Variants in LRRC4C observed in about 807,000 individuals in gnomAD.
LRRC4C encodes the protein leucine-rich repeat-containing protein 4C.
A neutral mutation model predicts 33.6 loss-of-function variants in LRRC4C; 5 were observed. That is an observed-to-expected ratio of 0.15 (90% CI 0.08 to 0.31). LRRC4C has a LOEUF of 0.31. Ranked by LOEUF, LRRC4C falls within the 10% of genes least tolerant of loss-of-function variation. The pLI, the probability that LRRC4C is intolerant of heterozygous loss-of-function variation, is 1.00. For synonymous variants in LRRC4C, 329 were observed against 302.0 expected, an observed-to-expected ratio of 1.09 and a Z score of -0.93; for missense variants, 560 against 796.7, an observed-to-expected ratio of 0.70 and a Z score of 3.58.
intron 1 of LRRC4C, among the ~76,000 whole-genome samples, chr11:41,191,378 G>T (rs1258914072): frequency 6.6e-6 from 1 of 152,048 alleles, no homozygotes; most frequent in Non-Finnish European, 1.5e-5. Context: ...AATTATAGAA[G>T]AATTATTTGC....
intron 5 of LRRC4C, among the ~76,000 whole-genome samples, chr11:40,175,300 A>T (rs1829147019): frequency 6.6e-6 from 1 of 152,238 alleles, no homozygotes; most frequent in South Asian, 2.1e-4. Context: ...AATTTGTAGC[A>T]AAACTGGTAA....
At chr11:41,085,042 T>C (rs1006025737) in intron 1 of LRRC4C, among the ~76,000 whole-genome samples, 2 of 152,182 alleles carry the variant, frequency 1.3e-5, no homozygotes, top group Non-Finnish European at 2.9e-5. Context: ...TCGACACAGA[T>C]ATCTTATTTG....
intron 3 of LRRC4C, among the ~76,000 whole-genome samples, chr11:40,591,093 A>G (rs1344796703): frequency 3.9e-5 from 6 of 152,082 alleles, no homozygotes; most frequent in Non-Finnish European, 5.9e-5. Flanking sequence ...GCCGCCTTGC[A>G]GTTTGATCTC....
At chr11:40,541,343 G>A (rs1956699884) in intron 3 of LRRC4C, among the ~76,000 whole-genome samples, 1 of 152,024 alleles carries the variant, frequency 6.6e-6, no homozygotes, top group African/African-American at 2.4e-5. Flanking sequence ...TTGGCTTCAA[G>A]GGATCTTCTC....
chr11:40,221,838 C>T (rs1380353579), intron 5 of LRRC4C, among the ~76,000 whole-genome samples: 2 of 152,078 alleles, frequency 1.3e-5, no homozygotes, highest in African/African-American at 2.4e-5. Flanking sequence ...CAATCGATCA[C>T]GACCCTCTCA....
intron 1 of LRRC4C, among the ~76,000 whole-genome samples, chr11:40,937,662 C>G (rs1592137896): frequency 7.0e-6 from 1 of 142,750 alleles, no homozygotes; most frequent in African/African-American, 2.7e-5. Flanking sequence ...TTGTTGTTGT[C>G]TTTTTTGAGA....
chr11:40,154,864 A>C (rs1858548853), intron 5 of LRRC4C, among the ~76,000 whole-genome samples: 1 of 152,172 alleles, frequency 6.6e-6, no homozygotes, highest in Non-Finnish European at 1.5e-5. Context: ...ACTTAAACGA[A>C]TATACAGAAT....
chr11:40,274,466 C>CACACACAG (rs1432673518), intron 4 of LRRC4C, among the ~76,000 whole-genome samples: 1 of 148,746 alleles, frequency 6.7e-6, no homozygotes, highest in African/African-American at 2.5e-5. Context: ...CACACACACA[C>CACACACAG]AGAAACCACA....
intron 1 of LRRC4C, among the ~76,000 whole-genome samples, chr11:41,235,279 C>T (rs1947970361): frequency 6.6e-6 from 1 of 151,980 alleles, no homozygotes; most frequent in Admixed American, 6.6e-5. Flanking sequence ...AAAAATGCAA[C>T]CATTTGAGAT....
intron 1 of LRRC4C, among the ~76,000 whole-genome samples, chr11:41,068,062 C>T (rs1222097536): frequency 6.6e-6 from 1 of 152,014 alleles, no homozygotes; most frequent in Non-Finnish European, 1.5e-5. Context: ...AAGATCAGAA[C>T]AGAACTGAAG....
At chr11:41,267,772 T>C (rs1283879666) in intron 1 of LRRC4C, among the ~76,000 whole-genome samples, 1 of 152,094 alleles carries the variant, frequency 6.6e-6, no homozygotes, top group East Asian at 1.9e-4. Flanking sequence ...TAAATCTCAA[T>C]TGCTTTAGAA....
At chr11:41,078,294 T>C (rs1360402522) in intron 1 of LRRC4C, among the ~76,000 whole-genome samples, 1 of 152,202 alleles carries the variant, frequency 6.6e-6, no homozygotes, top group Non-Finnish European at 1.5e-5. Flanking sequence ...TTCTGCCCAT[T>C]ACCCAGTTCC....
intron 3 of LRRC4C, among the ~76,000 whole-genome samples, chr11:40,453,039 G>C (rs1590787007): frequency 1.3e-5 from 2 of 150,216 alleles, no homozygotes; most frequent in East Asian, 2.0e-4. Flanking sequence ...TGTGGGGTTG[G>C]GGGAGGGGGG....
chr11:41,401,088 T>A (rs1388096965), intron 1 of LRRC4C, among the ~76,000 whole-genome samples: 2 of 151,884 alleles, frequency 1.3e-5, no homozygotes, highest in African/African-American at 4.8e-5. Context: ...ATGTTGAAGA[T>A]ATGTTTTAGA....
intron 2 of LRRC4C, among the ~76,000 whole-genome samples, chr11:40,696,149 C>T (rs547611881): frequency 2.0e-4 from 30 of 146,526 alleles, no homozygotes; most frequent in African/African-American, 7.3e-4. Flanking sequence ...GCCTATGCAA[C>T]AAGCAATCTA....
At chr11:40,450,626 G>T (rs2138070906) in intron 3 of LRRC4C, among the ~76,000 whole-genome samples, 2 of 152,056 alleles carry the variant, frequency 1.3e-5, no homozygotes, top group Middle Eastern at 6.8e-3. Context: ...CAGGCTTGGA[G>T]CCTGTTAGAA....
intron 4 of LRRC4C, among the ~76,000 whole-genome samples, chr11:40,274,060 A>G (rs1397656067): frequency 1.3e-5 from 2 of 152,088 alleles, no homozygotes; most frequent in Non-Finnish European, 2.9e-5. Context: ...GTGCATCAAA[A>G]GTAGAACTGG....
intron 1 of LRRC4C, among the ~76,000 whole-genome samples, chr11:41,415,940 G>A (rs1490106326): frequency 6.6e-6 from 1 of 152,030 alleles, no homozygotes; most frequent in East Asian, 1.9e-4. Flanking sequence ...AAGTCCAGGT[G>A]TGGTAGATGT....
chr11:40,467,305 A>G (rs1454676838), intron 3 of LRRC4C, among the ~76,000 whole-genome samples: 3 of 152,092 alleles, frequency 2.0e-5, no homozygotes, highest in South Asian at 2.1e-4. Context: ...GCTCTGTGTG[A>G]GACTAATTTC....
Sources: allele counts gnomAD v4.1 joint callset (sites outside exome capture counted in the v4.1 genomes callset), GRCh38; gene constraint gnomAD v4.1.1; transcripts MANE v1.5; gene names NCBI Gene and HGNC (gene_info 2026-07-23, HGNC 2026-07-21).